LARGE1: variants seen among roughly 807,000 people sequenced by gnomAD.
LARGE1 encodes LARGE xylosyl- and glucuronyltransferase 1.
A neutral mutation model predicts 87.6 loss-of-function variants in LARGE1; 43 were observed. The ratio of observed to expected loss-of-function variants is 0.49; its 90% CI spans 0.38 to 0.63. LARGE1 has a LOEUF of 0.63. LARGE1 is among the 30% of genes least tolerant of loss of function. LARGE1 has a pLI of 0.00. For synonymous variants in LARGE1, 434 were observed against 394.6 expected, an observed-to-expected ratio of 1.10 and a Z score of -1.18; for missense variants, 802 against 1,000.2, an observed-to-expected ratio of 0.80 and a Z score of 2.67.
intron 1 of LARGE1, among the ~76,000 whole-genome samples, chr22:33,865,832 CTTTTTTTTTTTTTTTTTTTTTTTT>C (rs3072359): frequency 3.5e-4 from 10 of 28,392 alleles, no homozygotes; most frequent in Admixed American, 6.4e-4. Flanking sequence ...AGCTGTTATT[CTTTTTTTTTTTTTTTTTTTTTTTT>C]TTTTTTTTTT....
chr22:33,144,470 T>C, the LARGE1 span, among the ~76,000 whole-genome samples: 151,887 of 152,066 alleles, frequency 1, 75,854 homozygotes, highest in East Asian at 1. Context: ...TATATATATA[T>C]ACACACATAT....
At chr22:33,397,399 G>A (rs780449233) in intron 7 of LARGE1, among the ~76,000 whole-genome samples, 3 of 152,194 alleles carry the variant, frequency 2.0e-5, no homozygotes, top group Non-Finnish European at 4.4e-5. Flanking sequence ...ACAGGCATGA[G>A]CCATGGTGCC....
chr22:33,762,672 C>T (rs1201046220), intron 1 of LARGE1, among the ~76,000 whole-genome samples: 2 of 152,160 alleles, frequency 1.3e-5, no homozygotes, highest in Admixed American at 1.3e-4. Context: ...CCTCAGACCA[C>T]GGCAGAAGAC....
chr22:33,433,886 T>G (rs1016704222), intron 6 of LARGE1, among the ~76,000 whole-genome samples: 1 of 152,162 alleles, frequency 6.6e-6, no homozygotes, highest in Non-Finnish European at 1.5e-5. Context: ...TGATGGTGTG[T>G]GGGTTTGGGG....
the LARGE1 span, among the ~76,000 whole-genome samples, chr22:33,142,950 G>A: frequency 6.6e-6 from 1 of 152,178 alleles, no homozygotes; most frequent in African/African-American, 2.4e-5. Flanking sequence ...CGAGGAAAAT[G>A]TTTGGGCTCT....
chr22:33,482,613 G>A (rs532734415), intron 6 of LARGE1, among the ~76,000 whole-genome samples: 3 of 152,186 alleles, frequency 2.0e-5, no homozygotes, highest in South Asian at 2.1e-4. Context: ...GTTGATGGGT[G>A]CAGCAAACCA....
chr22:33,106,740 C>T, the LARGE1 span, among the ~76,000 whole-genome samples: 1 of 152,188 alleles, frequency 6.6e-6, no homozygotes, highest in Admixed American at 6.5e-5. Context: ...AGGTGATCCA[C>T]CCACCTCAGC....
At chr22:33,749,216 G>A (rs1165027620) in intron 2 of LARGE1, among the ~76,000 whole-genome samples, 2 of 152,210 alleles carry the variant, frequency 1.3e-5, no homozygotes, top group East Asian at 3.9e-4. Context: ...CTGGGTTCAA[G>A]CGATTCTCCT....
intron 11 of LARGE1, among the ~76,000 whole-genome samples, chr22:33,207,227 T>C (rs1924729407): frequency 6.6e-6 from 1 of 152,222 alleles, no homozygotes; most frequent in African/African-American, 2.4e-5. Context: ...TTGAAAAGAT[T>C]GCCTAAACTA....
chr22:33,198,818 C>G (rs1309042865), intron 11 of LARGE1, among the ~76,000 whole-genome samples: 1 of 152,068 alleles, frequency 6.6e-6, no homozygotes, highest in Non-Finnish European at 1.5e-5. Context: ...ACACTAGTGC[C>G]AGTCTCTTTT....
chr22:33,426,738 G>A (rs1333552189), intron 7 of LARGE1, among the ~76,000 whole-genome samples: 2 of 152,180 alleles, frequency 1.3e-5, no homozygotes, highest in East Asian at 1.9e-4. Flanking sequence ...GAAGGATTCC[G>A]AGAGAAATTC....
intron 1 of LARGE1, among the ~76,000 whole-genome samples, chr22:33,915,356 T>C (rs916210021): frequency 2.6e-5 from 4 of 152,222 alleles, no homozygotes; most frequent in African/African-American, 9.6e-5. Flanking sequence ...ATATGAATCT[T>C]GTTCAGGTGT....
At chr22:33,829,722 A>G (rs1287828467) in intron 1 of LARGE1, among the ~76,000 whole-genome samples, 1 of 152,216 alleles carries the variant, frequency 6.6e-6, no homozygotes, top group Non-Finnish European at 1.5e-5. Context: ...GATGACTGGC[A>G]GAAAAATCCA....
the LARGE1 span, among the ~76,000 whole-genome samples, chr22:33,080,670 G>C: frequency 1.3e-5 from 2 of 152,158 alleles, no homozygotes; most frequent in African/African-American, 4.8e-5. Flanking sequence ...ATTATTAGCA[G>C]CATTTTGCAG....
intron 4 of LARGE1, among the ~76,000 whole-genome samples, chr22:33,625,387 C>G (rs1425454193): frequency 6.6e-6 from 1 of 152,188 alleles, no homozygotes; most frequent in Admixed American, 6.5e-5. Flanking sequence ...GATGAGCATC[C>G]AGAGGCATTA....
intron 7 of LARGE1, among the ~76,000 whole-genome samples, chr22:33,401,485 G>T (rs778238651): frequency 1.4e-4 from 22 of 152,028 alleles, no homozygotes; most frequent in African/African-American, 2.7e-4. Context: ...AAAATAAAAA[G>T]AAAAAGAAAA....
intron 5 of LARGE1, among the ~76,000 whole-genome samples, chr22:33,593,997 G>A (rs1441512387): frequency 6.6e-6 from 1 of 152,144 alleles, no homozygotes; most frequent in Non-Finnish European, 1.5e-5. Context: ...TTCCTCGCCA[G>A]GAAATGGTAG....
chr22:33,451,327 G>C (rs1015962790), intron 6 of LARGE1, among the ~76,000 whole-genome samples: 7 of 151,624 alleles, frequency 4.6e-5, no homozygotes, highest in African/African-American at 1.7e-4. Flanking sequence ...ACCAAGAAAA[G>C]AACGCTCAGC....
At chr22:33,878,089 T>TA in intron 1 of LARGE1, among the ~76,000 whole-genome samples, 1 of 148,118 alleles carries the variant, frequency 6.8e-6, no homozygotes, top group South Asian at 2.2e-4. Flanking sequence ...ATATGACCAC[T>TA]AAAATATTTA....
Sources: gnomAD v4.1 joint callset for allele counts (sites outside exome capture counted in the v4.1 genomes callset) on GRCh38, gnomAD v4.1.1 for gene constraint, MANE v1.5 for transcripts, NCBI Gene and HGNC (gene_info 2026-07-23, HGNC 2026-07-21) for gene names.